The following DNAH6 variants were observed in gnomAD, a reference collection of about 807,000 sequenced individuals.
The protein encoded by DNAH6 is dynein axonemal heavy chain 6, also known as axonemal beta dynein heavy chain 6.
A neutral mutation model predicts 491.4 loss-of-function variants in DNAH6; 340 were observed. That is an observed-to-expected ratio of 0.69 (90% CI 0.63 to 0.76). The LOEUF is 0.76. Ranked by LOEUF, DNAH6 falls within the 30% of genes least tolerant of loss-of-function variation. The pLI is 0.00. For missense variants in DNAH6, 4,443 were observed against 4,972.2 expected, an observed-to-expected ratio of 0.89 and a Z score of 3.20; for synonymous variants, 1,603 against 1,686.1, an observed-to-expected ratio of 0.95 and a Z score of 1.21.
chr2:84,498,742 A>G, the DNAH6 span, among the ~76,000 whole-genome samples: 1 of 151,940 alleles, frequency 6.6e-6, no homozygotes, highest in Non-Finnish European at 1.5e-5. Flanking sequence ...ATAGCACCAC[A>G]GCCTCAGACA....
chr2:84,564,041 T>C (rs1309149571), intron 11 of DNAH6, among the ~76,000 whole-genome samples: 1 of 152,156 alleles, frequency 6.6e-6, no homozygotes, highest in Non-Finnish European at 1.5e-5. Flanking sequence ...TTCTGTTCTG[T>C]TCTCTTGGTC....
intron 76 of DNAH6, among the ~76,000 whole-genome samples, chr2:84,818,347 G>C (rs1249861461): frequency 6.6e-6 from 1 of 151,732 alleles, no homozygotes; most frequent in Non-Finnish European, 1.5e-5. Flanking sequence ...AAATTAGCAA[G>C]GTGTGGTGCA....
At chr2:84,581,834 G>A (rs73945124) in intron 14 of DNAH6, among the ~76,000 whole-genome samples, 1,735 of 152,292 alleles carry the variant, frequency 0.011, 32 homozygotes, top group African/African-American at 0.04. Flanking sequence ...TGAGGGGACA[G>A]TGAGAGGAGA....
chr2:84,618,030 C>G (rs748262621), intron 23 of DNAH6, among the ~76,000 whole-genome samples: 1 of 152,126 alleles, frequency 6.6e-6, no homozygotes, highest in South Asian at 2.1e-4. Context: ...TGTGACAACT[C>G]TAGTCCTAGA....
At chr2:84,490,395 T>C in the DNAH6 span, among the ~76,000 whole-genome samples, 1 of 152,134 alleles carries the variant, frequency 6.6e-6, no homozygotes, top group Non-Finnish European at 1.5e-5. Flanking sequence ...CCCAGTCATA[T>C]AACCATCACC....
At chr2:84,574,306 T>A (rs1022384976) in intron 12 of DNAH6, among the ~76,000 whole-genome samples, 2 of 152,158 alleles carry the variant, frequency 1.3e-5, no homozygotes, top group African/African-American at 4.8e-5. Flanking sequence ...TTTCTTTCAA[T>A]TCCTTATTGT....
chr2:84,764,189 A>G lies in DNAH6; in HGVS notation c.10703+1244A>G, dbSNP rs2105143220. ...TCATGCCTCAGACAAGTTGACACAC[A>G]AAATTAATCATCAAATGATCCTAAA... On this transcript the variant is annotated intron_variant, in intron 64 of 76. Coordinates refer to ENST00000389394, the MANE Select transcript of DNAH6 (RefSeq NM_001370.2). 1.3e-5 allele frequency among the ~76,000 whole-genome samples: 2 copies of G among 152,280 alleles called. 1 individual carries two copies. The highest frequency in any genetic ancestry group is 4.1e-4 in the South Asian group (2 of 4,832).
intron 63 of DNAH6, among the ~76,000 whole-genome samples, chr2:84,760,919 G>A (rs575762877): frequency 8.4e-4 from 127 of 152,086 alleles, no homozygotes; most frequent in African/African-American, 2.7e-3. Context: ...CAGAGATTTC[G>A]CAAAGAAGTA....
intron 64 of DNAH6, among the ~76,000 whole-genome samples, chr2:84,773,200 G>C (rs971481552): frequency 9.2e-5 from 14 of 151,988 alleles, no homozygotes; most frequent in Non-Finnish European, 1.5e-5. Context: ...CCAATAGTTA[G>C]TTTTTCAACC....
Position 84,694,032 on chromosome 2 carries a change from A to G in DNAH6, c.7293-217A>G, listed in dbSNP as rs112421078. Among the ~76,000 whole-genome samples the G allele has an allele frequency of 5.3e-3, 806 of 152,362 alleles. 5 individuals are homozygous for G. Among genetic ancestry groups the G allele is most frequent in the African/African-American group, 0.018 (738 of 41,592 alleles). The stretch of plus-strand genomic sequence containing the variant: ...ATTTGTACGACTAGGGCCGAGACCC[A>G]ACAGCCTGTTAGGAATGGGGGAAAG... On this transcript the variant is annotated intron_variant, in intron 45 of 76. Transcript: ENST00000389394.
chr2:84,793,034 G>A (rs1677926056), intron 68 of DNAH6, among the ~76,000 whole-genome samples: 1 of 152,172 alleles, frequency 6.6e-6, no homozygotes. Context: ...CAGACCTCAG[G>A]CCTCTCCAGT....
chr2:84,483,259 T>G, the DNAH6 span, among the ~76,000 whole-genome samples: 1 of 152,122 alleles, frequency 6.6e-6, no homozygotes, highest in Non-Finnish European at 1.5e-5. Context: ...CCACTGCACC[T>G]GGCCAATAAT....
intron 7 of DNAH6, 34 bp downstream of exon 7, chr2:84,547,646 G>C (rs1678909257): frequency 6.5e-7 from 1 of 1,529,448 alleles, no homozygotes; most frequent in South Asian, 1.2e-5. Flanking sequence ...TATATCAGAA[G>C]TGGTGGCTTT....
intron 11 of DNAH6, among the ~76,000 whole-genome samples, chr2:84,571,911 CTG>C (rs1278665313): frequency 6.6e-6 from 1 of 151,758 alleles, no homozygotes; most frequent in Non-Finnish European, 1.5e-5. Context: ...GAGAGAGACT[CTG>C]TCTCAAAAAG....
intron 37 of DNAH6, among the ~76,000 whole-genome samples, chr2:84,668,850 GTGTGTGTA>G (rs3029904): frequency 0.34 from 27,445 of 81,394 alleles, 2,883 homozygotes; most frequent in East Asian, 0.47. Flanking sequence ...GTGTGTGTGT[GTGTGTGTA>G]TGATTGTAAT....
chr2:84,741,298 G>A (rs569737931), intron 62 of DNAH6, among the ~76,000 whole-genome samples: 11 of 152,256 alleles, frequency 7.2e-5, no homozygotes, highest in African/African-American at 2.6e-4. Context: ...AGGGAGGGCG[G>A]ATCACTGCCC....
intron 29 of DNAH6, among the ~76,000 whole-genome samples, chr2:84,626,656 G>A (rs1052379880): frequency 1.1e-4 from 16 of 152,244 alleles, no homozygotes; most frequent in Admixed American, 1.0e-3. Flanking sequence ...TGCCCAGGAT[G>A]CAGTGGCTCA....
At chr2:84,750,645 A>G (rs1673380833) in intron 63 of DNAH6, 1 of 152,186 alleles carries the variant, frequency 6.6e-6, no homozygotes, top group Non-Finnish European at 1.5e-5. Flanking sequence ...TGTACTAAAA[A>G]ATGTTGAAGG....
intron 29 of DNAH6, among the ~76,000 whole-genome samples, chr2:84,630,582 G>C (rs1336175633): frequency 6.6e-6 from 1 of 152,184 alleles, no homozygotes; most frequent in Admixed American, 6.5e-5. Flanking sequence ...ATAAAAGAGA[G>C]AGGATTCAGG....
Sources: allele counts gnomAD v4.1 joint callset (sites outside exome capture counted in the v4.1 genomes callset), GRCh38; gene constraint gnomAD v4.1.1; transcripts MANE v1.5; gene names NCBI Gene and HGNC (gene_info 2026-07-23, HGNC 2026-07-21).